The following NRCAM variants were observed in gnomAD, a reference collection of about 807,000 sequenced individuals.
The protein encoded by NRCAM is NgCAM-related cell adhesion molecule.
A neutral mutation model predicts 156.5 loss-of-function variants in NRCAM; 83 were observed. The observed-to-expected ratio is 0.53, with a 90% CI of 0.44 to 0.64. The LOEUF is 0.64. NRCAM is among the 30% of genes least tolerant of loss of function. NRCAM has a pLI of 0.00. For missense variants in NRCAM, 1,417 were observed against 1,597.3 expected (o/e 0.89, Z 1.92); for synonymous variants, 538 against 563.9 (o/e 0.95, Z 0.65).
At chr7:108,455,827 G>C (rs1392225918) in intron 1 of NRCAM, among the ~76,000 whole-genome samples, 1 of 152,136 alleles carries the variant, frequency 6.6e-6, no homozygotes, top group East Asian at 1.9e-4. Context: ...CCGTGTCCAA[G>C]CCCGGGAAGC....
intron 2 of NRCAM, among the ~76,000 whole-genome samples, chr7:108,395,878 A>AG (rs373780300): frequency 4.8e-4 from 73 of 152,336 alleles, no homozygotes; most frequent in African/African-American, 1.7e-3. Flanking sequence ...GTCAGGTAAC[A>AG]GTGGTGAAAG....
At chr7:108,184,178 T>C (rs915588053) in intron 22 of NRCAM, 63 bp downstream of exon 22, 1 of 1,353,710 alleles carries the variant, frequency 7.4e-7, no homozygotes, top group African/African-American at 1.4e-5. Flanking sequence ...TAGATATTAT[T>C]TTCAAACAAC....
intron 2 of NRCAM, among the ~76,000 whole-genome samples, chr7:108,368,239 C>T (rs1178248637): frequency 7.6e-6 from 1 of 131,716 alleles, no homozygotes; most frequent in Non-Finnish European, 1.6e-5. Flanking sequence ...CCCCCACCCC[C>T]CCGCCTGCTC....
In NRCAM at chr7:108,232,281, C is replaced by T. The variant is rs372888582; in HGVS notation, c.427+45G>A. ...ATGTCACAGAAGCTGAGTCTTGGAG[C>T]AATACTTTAAAAAGGGTCATGTTGG... On this transcript the variant is annotated intron_variant, in intron 7 of 32. Transcript: ENST00000379028. 127 of 1,389,944 alleles carry T rather than the reference C, an allele frequency of 9.1e-5. No individual in the cohort carries two copies. In the African/African-American group the frequency reaches 1.6e-3, roughly 18 times the overall value. The allele number at this position is 1,389,944 out of a possible 1,614,324, so 86.1% of individuals were successfully genotyped here.
intron 32 of NRCAM, chr7:108,156,560 G>A (rs1209470171): frequency 4.4e-6 from 1 of 224,780 alleles, no homozygotes; most frequent in Non-Finnish European, 7.4e-6. Context: ...AATCACATTT[G>A]GCCACCAGTG....
At chr7:108,180,528 G>C in intron 24 of NRCAM, 101 bp from the exon 25 acceptor site, 2 of 916,608 alleles carry the variant, frequency 2.2e-6, no homozygotes, top group Non-Finnish European at 3.3e-6. Context: ...AATTCCGTTG[G>C]TATATTTTAG....
intron 7 of NRCAM, 23 bp from the exon 8 acceptor site, chr7:108,231,176 C>A: frequency 1.3e-6 from 2 of 1,541,078 alleles, no homozygotes; most frequent in Non-Finnish European, 1.7e-6. Flanking sequence ...AAAATAACTT[C>A]TCAGTTATTT....
At chr7:108,442,070 G>A (rs1390170445) in intron 1 of NRCAM, among the ~76,000 whole-genome samples, 1 of 152,154 alleles carries the variant, frequency 6.6e-6, no homozygotes, top group Non-Finnish European at 1.5e-5. Flanking sequence ...AAAATTCAGA[G>A]AGACAACTTT....
At chr7:108,217,793 C>T (rs139278360) in intron 11 of NRCAM, among the ~76,000 whole-genome samples, 1 of 152,244 alleles carries the variant, frequency 6.6e-6, no homozygotes, top group East Asian at 1.9e-4. Context: ...CATCCCAGGT[C>T]GACTTCAGAC....
At chr7:108,169,536 A>G (rs2057170149) in intron 28 of NRCAM, among the ~76,000 whole-genome samples, 1 of 152,186 alleles carries the variant, frequency 6.6e-6, no homozygotes. Context: ...AATTAAGAAA[A>G]GAAAGATATT....
chr7:108,192,553 T>C (rs976885293), intron 17 of NRCAM, among the ~76,000 whole-genome samples: 3 of 152,106 alleles, frequency 2.0e-5, no homozygotes, highest in African/African-American at 7.2e-5. Context: ...TGGGGACCAC[T>C]GCTCTAGAGG....
intron 1 of NRCAM, among the ~76,000 whole-genome samples, chr7:108,450,122 G>A (rs1848629993): frequency 6.6e-6 from 1 of 152,024 alleles, no homozygotes; most frequent in Non-Finnish European, 1.5e-5. Flanking sequence ...TTAGTCCAGG[G>A]CAATATGGAA....
At chr7:108,424,258 G>C (rs1814160627) in intron 1 of NRCAM, among the ~76,000 whole-genome samples, 1 of 152,202 alleles carries the variant, frequency 6.6e-6, no homozygotes, top group South Asian at 2.1e-4. Flanking sequence ...GAGTGAGCTA[G>C]AAACTGCCCC....
At position 108,301,031 on chromosome 7, in the gene NRCAM, G is replaced by T. The variant is rs190237327; in HGVS notation, c.-107+11634C>A. 2.8e-3 allele frequency among the ~76,000 whole-genome samples: 427 copies of T among 151,830 alleles called. 2 individuals carry two copies. Among genetic ancestry groups the T allele is most frequent in the African/African-American group, 9.7e-3 (401 of 41,408 alleles). On this transcript the variant is annotated intron_variant, in intron 3 of 32. Transcript: ENST00000379028. Reference sequence around the variant, plus strand: ...CAACATTCTCTATATTCTATAAATAGAAGTAAAACACTCCATTATAAGGAA... The same window carrying T: ...CAACATTCTCTATATTCTATAAATATAAGTAAAACACTCCATTATAAGGAA...
chr7:108,312,178 C>T (rs1239002445), intron 3 of NRCAM, among the ~76,000 whole-genome samples: 2 of 152,036 alleles, frequency 1.3e-5, no homozygotes, highest in African/African-American at 2.4e-5. Context: ...TTCAAAGTAA[C>T]ATTTAAACTT....
At chr7:108,296,267 G>A (rs1276326273) in intron 3 of NRCAM, among the ~76,000 whole-genome samples, 3 of 152,100 alleles carry the variant, frequency 2.0e-5, no homozygotes, top group Non-Finnish European at 4.4e-5. Flanking sequence ...TCTTCCAATC[G>A]TGCACATTTT....
chr7:108,191,188 G>T, intron 19 of NRCAM, 66 bp downstream of exon 19: 1 of 1,307,362 alleles, frequency 7.6e-7, no homozygotes, highest in Non-Finnish European at 1.1e-6. Flanking sequence ...AGAAAGTTAT[G>T]AATACTTTCT....
intron 20 of NRCAM, among the ~76,000 whole-genome samples, 154 bp from the exon 21 acceptor site, chr7:108,184,768 A>C (rs2065669993): frequency 1.3e-5 from 2 of 152,182 alleles, no homozygotes; most frequent in Admixed American, 1.3e-4. Flanking sequence ...TTTTGATTTC[A>C]GAGTTGTCAT....
At chr7:108,422,555 T>C (rs1008615463) in intron 1 of NRCAM, among the ~76,000 whole-genome samples, 9 of 152,124 alleles carry the variant, frequency 5.9e-5, no homozygotes, top group Non-Finnish European at 1.2e-4. Context: ...CTTTGACAAG[T>C]ACACTTAAAG....
Sources: gnomAD v4.1 joint callset for allele counts (sites outside exome capture counted in the v4.1 genomes callset) on GRCh38, gnomAD v4.1.1 for gene constraint, MANE v1.5 for transcripts, NCBI Gene and HGNC (gene_info 2026-07-23, HGNC 2026-07-21) for gene names.